SSBP3: variants seen among roughly 807,000 people sequenced by gnomAD.
SSBP3 encodes the protein single-stranded DNA-binding protein 3.
Under a neutral mutation model 69.6 loss-of-function variants are expected in SSBP3, and 5 were observed. The observed-to-expected ratio is 0.07, with a 90% CI of 0.04 to 0.15. The LOEUF is 0.15. Among genes scored for constraint, SSBP3 ranks in the 10% least tolerant of loss-of-function variants. SSBP3 has a pLI of 1.00. For synonymous variants in SSBP3, 196 were observed against 193.4 expected (o/e 1.01, Z -0.11); for missense variants, 312 against 534.0 (o/e 0.58, Z 4.10).
chr1:54,266,907 G>A lies in SSBP3; in HGVS notation c.367-8758C>T, dbSNP rs181763969. Among the ~76,000 whole-genome samples, 199 of 152,262 alleles carry A rather than the reference G, an allele frequency of 1.3e-3. 1 individual carries two copies. The highest frequency in any genetic ancestry group is 4.6e-3 in the African/African-American group (190 of 41,534). ...GCATCATCGGAACACAAAACCCAGC[G>A]CTCACGTCCAGCTGGCTGGTCACAA... On this transcript the variant is annotated intron_variant, in intron 5 of 17. Transcript: ENST00000610401.
chr1:54,278,183 C>T (rs921559666), intron 5 of SSBP3, among the ~76,000 whole-genome samples: 6 of 152,164 alleles, frequency 3.9e-5, no homozygotes, highest in Non-Finnish European at 5.9e-5. Context: ...TCCTGTTAGG[C>T]CCTCCCTGAT....
rs1435199124 is a variant in SSBP3, at chr1:54,406,134, T to G, written c.-126A>C. The G allele has an allele frequency of 7.5e-6, 5 of 664,272 alleles. No individual in the cohort carries two copies. In the Admixed American group the frequency reaches 1.4e-4, roughly 19 times the overall value. The allele number at this position is 664,272 out of a possible 1,614,324, so 41.1% of individuals were successfully genotyped here. A position where few individuals can be genotyped will look rare whatever the true frequency, so the allele number is the denominator to read the frequency against. ...GGCGCTCGCTCGCTCTCTCGCTCGC[T>G]GGCGCTCTCCTCGCCGCGCTCCCCT... On this transcript the variant is annotated 5_prime_UTR_variant, in exon 1 of 18. Coordinates refer to ENST00000610401, the Ensembl canonical transcript of SSBP3.
chr1:54,278,755 C>A (rs1317644282), intron 5 of SSBP3, among the ~76,000 whole-genome samples: 1 of 152,236 alleles, frequency 6.6e-6, no homozygotes, highest in African/African-American at 2.4e-5. Context: ...TGGTGCAAAG[C>A]CTTTCTGCAG....
chr1:54,402,388 T>A (rs1479132402), intron 3 of SSBP3, among the ~76,000 whole-genome samples: 4 of 152,074 alleles, frequency 2.6e-5, no homozygotes, highest in African/African-American at 9.7e-5. Context: ...TGGCTGCATA[T>A]CCTAAAAAAG....
chr1:54,353,956 G>A (rs1281342318), intron 4 of SSBP3, among the ~76,000 whole-genome samples: 1 of 152,102 alleles, frequency 6.6e-6, no homozygotes, highest in Non-Finnish European at 1.5e-5. Flanking sequence ...GCACAGAGGG[G>A]ACTGACTCCC....
intron 4 of SSBP3, among the ~76,000 whole-genome samples, chr1:54,375,789 C>T (rs1647211953): frequency 2.0e-5 from 3 of 152,228 alleles, no homozygotes; most frequent in Admixed American, 2.0e-4. Context: ...TATCTTGACG[C>T]TACAGGCGGC....
At chr1:54,302,177 C>A (rs940283100) in intron 4 of SSBP3, among the ~76,000 whole-genome samples, 2 of 152,250 alleles carry the variant, frequency 1.3e-5, no homozygotes, top group African/African-American at 4.8e-5. Flanking sequence ...AGCCTGTAAG[C>A]AGGAGGACAG....
chr1:54,374,039 C>A (rs1647177590), intron 4 of SSBP3, among the ~76,000 whole-genome samples: 1 of 152,220 alleles, frequency 6.6e-6, no homozygotes, highest in Non-Finnish European at 1.5e-5. Context: ...GAGCCGTGCA[C>A]AAGGACATCA....
In SSBP3 at chr1:54,390,902, C is replaced by T. The variant is rs145908189; in HGVS notation, c.276+10959G>A. On this transcript the variant is annotated intron_variant, in intron 4 of 17. Transcript: ENST00000610401. ...TTTCTACTGGAAGCCGTCTAAAAGC[C>T]GGCGAGCAGAGACCGGCAGTGCGCA... Among the ~76,000 whole-genome samples, 28 of 152,332 alleles carry T rather than the reference C, an allele frequency of 1.8e-4. No individual in the cohort carries two copies. The East Asian group carries it at 5.0e-3, about 27-fold the overall frequency.
At chr1:54,288,945 G>A (rs767337437) in intron 4 of SSBP3, among the ~76,000 whole-genome samples, 62 of 149,038 alleles carry the variant, frequency 4.2e-4, no homozygotes, top group East Asian at 1.6e-3. Flanking sequence ...GCGTGAACCC[G>A]GGAGGTGGAG....
intron 4 of SSBP3, among the ~76,000 whole-genome samples, chr1:54,326,746 G>A (rs758413476): frequency 2.6e-5 from 4 of 152,150 alleles, no homozygotes; most frequent in Non-Finnish European, 5.9e-5. Context: ...AAAATTCAAA[G>A]CTCTTCCATC....
In SSBP3 at chr1:54,308,341, C is replaced by G. The variant is rs1645936605; in HGVS notation, c.277-26814G>C. ...GCGTGGCCGGGCACGGTGGCTCATG[C>G]CTGTAATCCCAGCACTTTGGGAGGC... On this transcript the variant is annotated intron_variant, in intron 4 of 17. Coordinates refer to ENST00000610401, the Ensembl canonical transcript of SSBP3. Among the ~76,000 whole-genome samples the G allele has an allele frequency of 2.6e-5, 4 of 151,920 alleles. No individual in the cohort carries two copies. The South Asian group carries it at 6.3e-4, about 24-fold the overall frequency.
chr1:54,353,147 G>C (rs1454297471), intron 4 of SSBP3, among the ~76,000 whole-genome samples: 1 of 152,352 alleles, frequency 6.6e-6, no homozygotes, highest in South Asian at 2.1e-4. Context: ...CTGCCACAGG[G>C]AGGACAACTC....
chr1:54,244,883 G>A (rs555737569), intron 9 of SSBP3, among the ~76,000 whole-genome samples: 5 of 151,748 alleles, frequency 3.3e-5, no homozygotes, highest in African/African-American at 1.2e-4. Flanking sequence ...TCCCTCCCCC[G>A]CCACCATGCT....
At chr1:54,271,514 C>T (rs143150286) in intron 5 of SSBP3, among the ~76,000 whole-genome samples, 4 of 152,340 alleles carry the variant, frequency 2.6e-5, no homozygotes, top group African/African-American at 9.6e-5. Flanking sequence ...GAAACAGTGC[C>T]TGAAGAGGCT....
chr1:54,238,386 GGCT>G, intron 14 of SSBP3: 1 of 465,160 alleles, frequency 2.1e-6, no homozygotes, highest in Non-Finnish European at 4.5e-6. Flanking sequence ...GGAGGGGCAA[GGCT>G]GAACAGGTTC....
intron 5 of SSBP3, among the ~76,000 whole-genome samples, chr1:54,274,124 C>T (rs1430676343): frequency 6.6e-6 from 1 of 152,142 alleles, no homozygotes; most frequent in Non-Finnish European, 1.5e-5. Flanking sequence ...AGACAGACTC[C>T]CCCCACCTGC....
At chr1:54,253,380 T>C (rs889047707) in intron 7 of SSBP3, among the ~76,000 whole-genome samples, 4 of 151,658 alleles carry the variant, frequency 2.6e-5, no homozygotes, top group African/African-American at 7.3e-5. Context: ...TTTGTATTGA[T>C]GGGGTCTCAC....
At chr1:54,409,903 C>A (rs1191778744), upstream of SSBP3, among the ~76,000 whole-genome samples, 1 of 152,196 alleles carries the variant, frequency 6.6e-6, no homozygotes, top group Non-Finnish European at 1.5e-5. Context: ...CCCAAAGCCC[C>A]CTCCGGTGAC....
Sources: gnomAD v4.1 joint callset for allele counts (sites outside exome capture counted in the v4.1 genomes callset) on GRCh38, gnomAD v4.1.1 for gene constraint, MANE v1.5 for transcripts, NCBI Gene and HGNC (gene_info 2026-07-23, HGNC 2026-07-21) for gene names.